Variants in KLF11 observed in about 807,000 individuals in gnomAD.
KLF11 encodes KLF transcription factor 11.
In KLF11, 26 loss-of-function variants were observed where a neutral mutation model predicts 29.9. The observed-to-expected ratio is 0.87, with a 90% CI of 0.64 to 1.21. The LOEUF (loss-of-function observed/expected upper bound fraction) is 1.21, where lower values mean the gene tolerates loss of function less well. KLF11 is among the 50% of genes most tolerant of loss of function. The pLI is 0.00. For synonymous variants in KLF11, 318 were observed against 257.4 expected (o/e 1.24, Z -2.25); for missense variants, 778 against 665.7 (o/e 1.17, Z -1.86).
chr2:10,047,595 T>C (rs1261702227), intron 2 of KLF11, 55 bp from the exon 3 acceptor site: 1 of 1,409,798 alleles, frequency 7.1e-7, no homozygotes, highest in East Asian at 2.3e-5. Flanking sequence ...TTGTGATGAA[T>C]TAAATCCCTT....
rs570671057 is a variant in KLF11, at chr2:10,043,759, G to A, written c.42+1G>A. The A allele has an allele frequency of 2.9e-6, 4 of 1,378,770 alleles. No individual in the cohort carries two copies. The highest frequency in any genetic ancestry group is 2.3e-5 in the Admixed American group (1 of 43,088). 85.4% of individuals were successfully genotyped at this position (1,378,770 alleles called of 1,614,324 possible). ...CGCAGGCCCAGACGACGCGCGCGCA[G>A]TGAGTGGTGGGGCTGCCGCGGCGGG... is the stretch of plus-strand genomic sequence containing the variant. On this transcript the variant is annotated splice_donor_variant, in intron 1 of 3. Coordinates refer to ENST00000305883, the MANE Select transcript of KLF11 (RefSeq NM_003597.5). LOFTEE classifies it high-confidence loss of function.
Position 10,048,315 on chromosome 2 carries a change from A to C in KLF11, c.978A>C (p.Gln326His), listed in dbSNP as rs1661294020. 5 of 1,600,680 alleles carry C rather than the reference A, an allele frequency of 3.1e-6. No individual in the cohort carries two copies. The highest frequency in any genetic ancestry group is 4.3e-6 in the Non-Finnish European group (5 of 1,171,806). Residue 326 changes from glutamine (Q) to histidine (H), a missense_variant, in exon 3 of 4, where the codon CAA (glutamine) becomes CAC (histidine). By Grantham distance (24) the Gln-to-His change is conservative (BLOSUM62 0). Transcript: ENST00000305883. ...TAGCTCAGGCTGCTCCAGCGCCTCA[A>C]CCTGTGTTCGTGGGACCTGCTGTGC... ...PILAQAAPAP[Q>H]PVFVGPAVPQ...
At position 10,043,748 on chromosome 2, in the gene KLF11, A is replaced by G; in HGVS notation, c.32A>G (p.Asp11Gly). The G allele has an allele frequency of 1.5e-6, 2 of 1,378,116 alleles. No homozygotes were observed. Among genetic ancestry groups the G allele is most frequent in the Non-Finnish European group, 9.5e-7 (1 of 1,050,344 alleles). The allele number at this position is 1,378,116 out of a possible 1,614,324, so 85.4% of individuals were successfully genotyped here. A position where few individuals can be genotyped will look rare whatever the true frequency, so the allele number is the denominator to read the frequency against. ...ACGCCGGACTTCGCAGGCCCAGACGACGCGCGCGCAGTGAGTGGTGGGGCT... is the reference window on the plus strand; with the variant it reads ...ACGCCGGACTTCGCAGGCCCAGACGGCGCGCGCGCAGTGAGTGGTGGGGCT... MHTPDFAGPDDARAVDIMDIC... is the reference protein window; with the variant it reads MHTPDFAGPDGARAVDIMDIC... Residue 11 changes from aspartate to glycine, a missense_variant, in exon 1 of 4, where the codon GAC (aspartate) becomes GGC (glycine). Physicochemically the swap from Asp to Gly is moderately conservative, Grantham distance 94. Transcript: ENST00000305883.
chr2:10,047,702 C>A lies in KLF11; in HGVS notation c.365C>A (p.Pro122His), dbSNP rs1305050184. The A allele has an allele frequency of 6.2e-7, 1 of 1,613,552 alleles. No homozygotes were observed. ...CTCGTGGAGCCATCGACAAGGACACCTGTTTCTCCCCAAGTAACAGATTCC... is the reference window on the plus strand; with the variant it reads ...CTCGTGGAGCCATCGACAAGGACACATGTTTCTCCCCAAGTAACAGATTCC... ...PDLVEPSTRT[P>H]VSPQVTDSKA... The change falls in exon 3 of 4, where the codon CCT (proline) becomes CAT (histidine). Residue 122 changes from proline to histidine, a missense_variant. Transcript: ENST00000305883.
intron 3 of KLF11, 74 bp from the exon 4 acceptor site, chr2:10,052,153 T>A: frequency 7.0e-7 from 1 of 1,420,890 alleles, no homozygotes; most frequent in Non-Finnish European, 1.0e-6. Context: ...GATTTTAAAA[T>A]GACATGAATT....
At chr2:10,044,058 G>T in intron 1 of KLF11, 1 of 700,414 alleles carries the variant, frequency 1.4e-6, no homozygotes, top group Non-Finnish European at 1.8e-6. Flanking sequence ...CGTCACCCCG[G>T]TCCTGTGAGC....
At chr2:10,047,080 C>T (rs563224010) in intron 2 of KLF11, among the ~76,000 whole-genome samples, 19 of 152,276 alleles carry the variant, frequency 1.2e-4, no homozygotes, top group African/African-American at 4.6e-4. Context: ...CTGGAGAAAG[C>T]ATGTACTTTG....
At chr2:10,045,365 G>A (rs973703973) in intron 1 of KLF11, among the ~76,000 whole-genome samples, 4 of 151,996 alleles carry the variant, frequency 2.6e-5, no homozygotes, top group Non-Finnish European at 5.9e-5. Context: ...TTCAAGGCCA[G>A]CTTGACCAAC....
chr2:10,043,739 G>T lies in KLF11; in HGVS notation c.23G>T (p.Gly8Val). MHTPDFA[G>V]PDDARAVDIM... is the part of the protein sequence containing the mutation. ...ACGATGCACACGCCGGACTTCGCAGGCCCAGACGACGCGCGCGCAGTGAGT... is the reference window on the plus strand; with the variant it reads ...ACGATGCACACGCCGGACTTCGCAGTCCCAGACGACGCGCGCGCAGTGAGT... Residue 8 changes from glycine to valine, a missense_variant, in exon 1 of 4, where the codon GGC (glycine) becomes GTC (valine). Gly to Val is a moderately radical substitution (Grantham distance 109). Transcript: ENST00000305883. 2 of 1,382,834 alleles carry T rather than the reference G, an allele frequency of 1.4e-6. No homozygotes were observed. The highest frequency in any genetic ancestry group is 3.7e-5 in the East Asian group (1 of 27,066). 85.7% of individuals were successfully genotyped at this position (1,382,834 alleles called of 1,614,324 possible).
chr2:10,046,083 A>G (rs1661188575), intron 1 of KLF11, 67 bp from the exon 2 acceptor site: 1 of 1,593,808 alleles, frequency 6.3e-7, no homozygotes, highest in Non-Finnish European at 8.6e-7. Context: ...GCATATCCAC[A>G]TGCCCATCAT....
Position 10,043,634 on chromosome 2 carries a change from G to A in KLF11, c.-83G>A, listed in dbSNP as rs943136426. On this transcript the variant is annotated 5_prime_UTR_variant, in exon 1 of 4. Coordinates refer to ENST00000305883, the MANE Select transcript of KLF11 (RefSeq NM_003597.5). Reference sequence around the variant, plus strand: ...GGAGCTCCGGGTTGCCGCCGCCGCCGCCGCCCGCAGCCCACGTGCGGCCGC... The same window carrying A: ...GGAGCTCCGGGTTGCCGCCGCCGCCACCGCCCGCAGCCCACGTGCGGCCGC... 2.9e-4 allele frequency: 289 copies of A among 994,494 alleles called. 3 individuals are homozygous for A. Among genetic ancestry groups the A allele is most frequent in the Non-Finnish European group, 7.9e-5 (65 of 824,282 alleles). The allele number at this position is 994,494 out of a possible 1,614,324, so 61.6% of individuals were successfully genotyped here. A position where few individuals can be genotyped will look rare whatever the true frequency, so the allele number is the denominator to read the frequency against.
intron 1 of KLF11, among the ~76,000 whole-genome samples, chr2:10,045,324 G>A (rs960690637): frequency 3.9e-5 from 6 of 152,106 alleles, no homozygotes; most frequent in Non-Finnish European, 7.4e-5. Flanking sequence ...GGAGGCTGAG[G>A]CAGGAGAATC....
chr2:10,044,053 C>T (rs1661093386), intron 1 of KLF11: 7 of 701,650 alleles, frequency 1.0e-5, no homozygotes, highest in African/African-American at 9.7e-5. Flanking sequence ...CATGACGTCA[C>T]CCCGGTCCTG....
chr2:10,048,487 C>T lies in KLF11; in HGVS notation c.1150C>T (p.Pro384Ser), dbSNP rs973615056. The T allele has an allele frequency of 6.2e-7, 1 of 1,613,984 alleles. No individual in the cohort carries two copies. Among genetic ancestry groups the T allele is most frequent in the South Asian group, 1.1e-5 (1 of 91,078 alleles). Residue 384 changes from proline (P) to serine (S), a missense_variant, in exon 3 of 4, where the codon CCT (proline) becomes TCT (serine). Pro to Ser is a moderately conservative substitution (Grantham distance 74, BLOSUM62 -1). Transcript: ENST00000305883. ...VFITSSQNCV[P>S]QVDFSRRRNY... is the part of the protein sequence containing the mutation. ...CATCACCTCTAGCCAAAACTGTGTC[C>T]CTCAGGTAGACTTTTCCCGAAGGAG...
Position 10,047,637 on chromosome 2 carries a change from C to CTTT in KLF11, c.313-5_313-3dup. On this transcript the variant is annotated splice_polypyrimidine_tract_variant and intron_variant, in intron 2 of 3. Coordinates refer to ENST00000305883, the MANE Select transcript of KLF11 (RefSeq NM_003597.5). ...TTTAAAGCAACCTTTTAACATGGTA[C>CTTT]TTTTTTTTTTAGTGCATAACTCCTC... The CTTT allele has an allele frequency of 7.8e-7, 1 of 1,278,832 alleles. No individual in the cohort carries two copies. The allele number at this position is 1,278,832 out of a possible 1,614,324, so 79.2% of individuals were successfully genotyped here.
chr2:10,046,129 G>T (rs778693434), intron 1 of KLF11, 21 bp from the exon 2 acceptor site: 36 of 1,612,790 alleles, frequency 2.2e-5, no homozygotes, highest in Middle Eastern at 2.0e-4. Context: ...CTGAGAAGCC[G>T]TTGTGTTGTG....
Position 10,053,216 on chromosome 2 carries a change from G to A in KLF11, c.*709G>A. On this transcript the variant is annotated 3_prime_UTR_variant, in exon 4 of 4. Coordinates refer to ENST00000305883, the MANE Select transcript of KLF11 (RefSeq NM_003597.5). ...AACTAGTGAGCTGTGTCCATGGTGTGTCATGAAGGATGTACCCCAGAGAGT... is the reference window on the plus strand; with the variant it reads ...AACTAGTGAGCTGTGTCCATGGTGTATCATGAAGGATGTACCCCAGAGAGT... 1 of 399,052 alleles carries A rather than the reference G, an allele frequency of 2.5e-6. No homozygotes were observed. Among genetic ancestry groups the A allele is most frequent in the Non-Finnish European group, 4.4e-6 (1 of 226,444 alleles). The allele number at this position is 399,052 out of a possible 1,614,324, so 24.7% of individuals were successfully genotyped here. A position where few individuals can be genotyped will look rare whatever the true frequency, so the allele number is the denominator to read the frequency against.
intron 3 of KLF11, among the ~76,000 whole-genome samples, chr2:10,048,870 G>A (rs1372714362): frequency 6.7e-6 from 1 of 148,398 alleles, no homozygotes; most frequent in African/African-American, 2.5e-5. Flanking sequence ...GTGACTTACA[G>A]TGCCCCCTTC....
chr2:10,050,324 T>C (rs1309527782), intron 3 of KLF11, among the ~76,000 whole-genome samples: 4 of 151,086 alleles, frequency 2.6e-5, no homozygotes, highest in African/African-American at 2.4e-5. Context: ...GGAGAATCAC[T>C]TGAACCTGGG....
Sources: gnomAD v4.1 joint callset for allele counts (sites outside exome capture counted in the v4.1 genomes callset) on GRCh38, gnomAD v4.1.1 for gene constraint, MANE v1.5 for transcripts, NCBI Gene and HGNC (gene_info 2026-07-23, HGNC 2026-07-21) for gene names.